The following AKAP19 variants were observed in gnomAD, a reference collection of about 807,000 sequenced individuals.
The protein encoded by AKAP19 is small A-kinase anchoring protein.
chr2:190,085,783 C>A, the AKAP19 span, among the ~76,000 whole-genome samples: 1 of 152,160 alleles, frequency 6.6e-6, no homozygotes, highest in Non-Finnish European at 1.5e-5. Flanking sequence ...AAATGATCAG[C>A]TTTTGTTGCT....
At chr2:190,163,461 A>AC in the AKAP19 span, among the ~76,000 whole-genome samples, 13 of 150,816 alleles carry the variant, frequency 8.6e-5, no homozygotes, top group South Asian at 2.1e-4. Flanking sequence ...AAAACAAAAA[A>AC]AAAAAAAACT....
the AKAP19 span, among the ~76,000 whole-genome samples, chr2:190,078,985 A>G: frequency 3.4e-5 from 5 of 147,614 alleles, no homozygotes; most frequent in Admixed American, 2.7e-4. Context: ...TTTAGAATCC[A>G]TTTTATAACT....
At chr2:189,931,465 A>G in the AKAP19 span, among the ~76,000 whole-genome samples, 1 of 152,184 alleles carries the variant, frequency 6.6e-6, no homozygotes. Context: ...AGGCTCAAAC[A>G]GTCCTCCTGT....
At chr2:190,106,521 A>C in the AKAP19 span, among the ~76,000 whole-genome samples, 1 of 152,028 alleles carries the variant, frequency 6.6e-6, no homozygotes, top group South Asian at 2.1e-4. Flanking sequence ...AATTGTTTTC[A>C]AGCACTTGAC....
At chr2:190,149,229 C>T in the AKAP19 span, among the ~76,000 whole-genome samples, 33 of 152,276 alleles carry the variant, frequency 2.2e-4, no homozygotes, top group East Asian at 6.2e-3. Flanking sequence ...TCCCAAAGTG[C>T]TGGGATTACA....
At chr2:190,093,726 T>A in the AKAP19 span, among the ~76,000 whole-genome samples, 1 of 152,236 alleles carries the variant, frequency 6.6e-6, no homozygotes, top group African/African-American at 2.4e-5. Context: ...CTTTTGGGAA[T>A]ATGACTTCTG....
chr2:190,101,271 T>C, the AKAP19 span, among the ~76,000 whole-genome samples: 1 of 152,200 alleles, frequency 6.6e-6, no homozygotes, highest in Non-Finnish European at 1.5e-5. Flanking sequence ...ATTGTGTTCT[T>C]CCCTGTCACA....
the AKAP19 span, among the ~76,000 whole-genome samples, chr2:190,081,503 G>A: frequency 1.3e-5 from 2 of 152,096 alleles, no homozygotes; most frequent in Non-Finnish European, 2.9e-5. Flanking sequence ...TCTCCCCAGT[G>A]AGGCAAATAT....
chr2:189,903,383 C>T, the AKAP19 span, among the ~76,000 whole-genome samples: 15,554 of 151,862 alleles, frequency 0.1, 1,145 homozygotes, highest in East Asian at 0.2. Context: ...AAATACTGCA[C>T]AGTAATTTAT....
chr2:189,976,971 T>A, the AKAP19 span, among the ~76,000 whole-genome samples: 1 of 152,098 alleles, frequency 6.6e-6, no homozygotes, highest in African/African-American at 2.4e-5. Context: ...CTCGGTGGGC[T>A]GCACCCACTG....
At chr2:190,092,568 C>G in the AKAP19 span, among the ~76,000 whole-genome samples, 1 of 152,026 alleles carries the variant, frequency 6.6e-6, no homozygotes, top group Non-Finnish European at 1.5e-5. Flanking sequence ...CTTGGACTTT[C>G]TGGGGTAGGT....
At chr2:190,150,181 T>A in the AKAP19 span, 6 of 152,216 alleles carry the variant, frequency 3.9e-5, no homozygotes, top group Non-Finnish European at 7.3e-5. Flanking sequence ...CTCTTCCCCC[T>A]CTGTGGAGTC....
the AKAP19 span, among the ~76,000 whole-genome samples, chr2:190,102,693 TA>T: frequency 2.7e-5 from 4 of 150,310 alleles, no homozygotes; most frequent in Admixed American, 6.6e-5. Flanking sequence ...TCAGTAATAA[TA>T]AAAAAAAAGA....
chr2:190,199,392 T>TA, the AKAP19 span, among the ~76,000 whole-genome samples: 1 of 144,172 alleles, frequency 6.9e-6, no homozygotes, highest in African/African-American at 2.9e-5. Flanking sequence ...TAGCCCTTGG[T>TA]ATAGATAAAT....
At chr2:190,190,398 CAA>C in the AKAP19 span, among the ~76,000 whole-genome samples, 1 of 152,166 alleles carries the variant, frequency 6.6e-6, no homozygotes, top group Non-Finnish European at 1.5e-5. Context: ...TTTTAATTGT[CAA>C]GTTATATTCC....
At chr2:190,041,578 G>A in the AKAP19 span, among the ~76,000 whole-genome samples, 1 of 152,166 alleles carries the variant, frequency 6.6e-6, no homozygotes, top group Non-Finnish European at 1.5e-5. Flanking sequence ...GTGAGAGAGG[G>A]CATCCTTGTT....
the AKAP19 span, among the ~76,000 whole-genome samples, chr2:190,029,342 G>A: frequency 4.8e-3 from 726 of 151,958 alleles, 22 homozygotes; most frequent in Admixed American, 0.035. Context: ...ATGAGGCACC[G>A]CGCCCAGCCA....
At chr2:189,998,745 T>C in the AKAP19 span, among the ~76,000 whole-genome samples, 1 of 149,268 alleles carries the variant, frequency 6.7e-6, no homozygotes, top group Non-Finnish European at 1.5e-5. Context: ...TTTTTACTTT[T>C]CTCTTCTTTC....
the AKAP19 span, among the ~76,000 whole-genome samples, chr2:190,195,780 C>CT: frequency 2.6e-5 from 4 of 152,134 alleles, no homozygotes; most frequent in Non-Finnish European, 4.4e-5. Context: ...TCAATTATTT[C>CT]TTTAACACAT....
Sources: allele counts gnomAD v4.1 joint callset (sites outside exome capture counted in the v4.1 genomes callset), GRCh38; gene constraint gnomAD v4.1.1; transcripts MANE v1.5; gene names NCBI Gene and HGNC (gene_info 2026-07-23, HGNC 2026-07-21).